PHGDH: variants seen among roughly 807,000 people sequenced by gnomAD.
The protein encoded by PHGDH is phosphoglycerate dehydrogenase, also known as D-3-phosphoglycerate dehydrogenase.
A neutral mutation model predicts 52.6 loss-of-function variants in PHGDH; 50 were observed. The observed-to-expected ratio is 0.95, with a 90% CI of 0.76 to 1.20. PHGDH has a LOEUF of 1.20. PHGDH is among the 50% of genes most tolerant of loss of function. The pLI is 0.00. For synonymous variants in PHGDH, 271 were observed against 280.5 expected (o/e 0.97, Z 0.34); for missense variants, 630 against 684.6 (o/e 0.92, Z 0.89).
chr1:119,730,550 G>A (rs1251502053), intron 5 of PHGDH, among the ~76,000 whole-genome samples: 1 of 152,126 alleles, frequency 6.6e-6, no homozygotes, highest in Non-Finnish European at 1.5e-5. Flanking sequence ...GCAAACAATA[G>A]AATATTGTTT....
intron 3 of PHGDH, chr1:119,726,513 C>G (rs899580652): frequency 4.6e-6 from 2 of 439,090 alleles, no homozygotes; most frequent in South Asian, 4.4e-5. Flanking sequence ...CCCAGTACCC[C>G]ACTCAGTTAT....
intron 5 of PHGDH, among the ~76,000 whole-genome samples, chr1:119,732,274 A>G (rs1651727999): frequency 6.6e-6 from 1 of 152,202 alleles, no homozygotes; most frequent in African/African-American, 2.4e-5. Flanking sequence ...GGTAGGAGCC[A>G]CCAGCTGCCC....
rs771882143 is a variant in PHGDH, at chr1:119,723,367, G to C, written c.291-9G>C. 1.2e-6 allele frequency: 2 copies of C among 1,610,938 alleles called. No individual in the cohort carries two copies. The highest frequency in any genetic ancestry group is 3.3e-5 in the Admixed American group (2 of 60,014). On this transcript the variant is annotated splice_polypyrimidine_tract_variant and intron_variant, in intron 2 of 11. Coordinates refer to ENST00000641023, the MANE Select transcript of PHGDH (RefSeq NM_006623.4). ...GCCCATTGATGTCCCCCTTTTCTTT[G>C]ATCTTTAGCACCCCCAATGGGAACA...
chr1:119,737,222 G>T lies in PHGDH; in HGVS notation c.901G>T (p.Val301Phe). 6.2e-7 allele frequency: 1 copy of T among 1,614,204 alleles called. No homozygotes were observed. Among genetic ancestry groups the T allele is most frequent in the Non-Finnish European group, 8.5e-7 (1 of 1,180,010 alleles). Residue 301 changes from valine to phenylalanine, a missense_variant, in exon 8 of 12, where the codon GTT (valine) becomes TTT (phenylalanine). Physicochemically the swap from Val to Phe is conservative, Grantham distance 50. Transcript: ENST00000641023. ...AQSRCGEEIA[V>F]QFVDMVKGKS... ...GAGCCGCTGTGGGGAGGAAATTGCT[G>T]TTCAGTTCGTGGACATGGTGAAGGG...
rs370053050 is a variant in PHGDH at position 119,717,291 on chromosome 1, G to GTGATGAATCC, written c.139-3877_139-3868dup. Among the ~76,000 whole-genome samples, 48 of 140,344 alleles carry GTGATGAATCC rather than the reference G, an allele frequency of 3.4e-4. 2 individuals are homozygous for GTGATGAATCC. The highest frequency in any genetic ancestry group is 1.2e-3 in the Admixed American group (17 of 13,636). 92.1% of individuals were successfully genotyped at this position (140,344 alleles called of 152,430 possible). On this transcript the variant is annotated intron_variant, in intron 1 of 11. Transcript: ENST00000641023. ...ATTTGTAGGAATTCTATCACTTTTG[G>GTGATGAATCC]TGATGAATCCTTGTTCTGTTACATA...
At chr1:119,728,167 G>A (rs1651531463) in intron 5 of PHGDH, among the ~76,000 whole-genome samples, 1 of 152,124 alleles carries the variant, frequency 6.6e-6, no homozygotes, top group South Asian at 2.1e-4. Context: ...GCTTGAATGA[G>A]CTCAGTTAGA....
intron 2 of PHGDH, among the ~76,000 whole-genome samples, chr1:119,722,030 C>T (rs587620858): frequency 6.6e-6 from 1 of 152,354 alleles, no homozygotes; most frequent in Non-Finnish European, 1.5e-5. Context: ...TTGGGGACTT[C>T]ATTGTCCTTA....
At chr1:119,730,915 G>A (rs964584509) in intron 5 of PHGDH, among the ~76,000 whole-genome samples, 1 of 152,194 alleles carries the variant, frequency 6.6e-6, no homozygotes. Context: ...AGGAAGCAAG[G>A]AGAGGTAGTT....
At chr1:119,725,659 A>G (rs139826130) in intron 3 of PHGDH, among the ~76,000 whole-genome samples, 4 of 152,328 alleles carry the variant, frequency 2.6e-5, no homozygotes, top group Non-Finnish European at 4.4e-5. Flanking sequence ...ATGGAGATCA[A>G]TGTCCTAGTG....
intron 8 of PHGDH, among the ~76,000 whole-genome samples, chr1:119,738,993 C>T (rs1314029225): frequency 2.6e-5 from 4 of 152,186 alleles, no homozygotes; most frequent in African/African-American, 9.7e-5. Flanking sequence ...CTTAGAGTAG[C>T]CATTTGGAAA....
At chr1:119,717,328 G>C (rs1194377883) in intron 1 of PHGDH, among the ~76,000 whole-genome samples, 2 of 148,298 alleles carry the variant, frequency 1.3e-5, no homozygotes, top group African/African-American at 2.5e-5. Flanking sequence ...GGTGAAAGGA[G>C]TTTTCTCCAC....
intron 1 of PHGDH, chr1:119,712,399 C>T (rs1650735969): frequency 2.0e-6 from 1 of 506,202 alleles, no homozygotes; most frequent in Non-Finnish European, 3.6e-6. Context: ...GTTGGCATGC[C>T]TCCGCTAGCA....
chr1:119,740,580 T>C, intron 9 of PHGDH, 62 bp downstream of exon 9: 1 of 1,405,990 alleles, frequency 7.1e-7, no homozygotes, highest in East Asian at 2.5e-5. Flanking sequence ...GGATCTGCCC[T>C]GCTGGGTGTA....
rs587712399 is a variant in PHGDH at position 119,734,856 on chromosome 1, G to A, written c.643+90G>A. On this transcript the variant is annotated intron_variant, in intron 6 of 11. Coordinates refer to ENST00000641023, the MANE Select transcript of PHGDH (RefSeq NM_006623.4). ...CCATCTGGGCCTTCCCCAGACAGTG[G>A]TAACCAGCTGTGGGGAGAGGTCCAC... 6.4e-6 allele frequency: 9 copies of A among 1,416,662 alleles called. No homozygotes were observed. The African/African-American group carries it at 9.8e-5, about 15-fold the overall frequency. 87.8% of individuals were successfully genotyped at this position (1,416,662 alleles called of 1,614,324 possible).
At chr1:119,742,010 C>T (rs759652137) in intron 10 of PHGDH, 113 bp downstream of exon 10, 99 of 876,688 alleles carry the variant, frequency 1.1e-4, no homozygotes, top group Non-Finnish European at 1.8e-4. Flanking sequence ...CTTGCATCGG[C>T]CTGTCTACCT....
intron 1 of PHGDH, chr1:119,720,843 C>A: frequency 2.6e-6 from 1 of 383,254 alleles, no homozygotes; most frequent in Non-Finnish European, 5.0e-6. Context: ...GATGGACATC[C>A]AGGCTGCAGG....
chr1:119,742,759 C>T (rs763222013), intron 10 of PHGDH, 48 bp from the exon 11 acceptor site: 9 of 1,151,648 alleles, frequency 7.8e-6, no homozygotes, highest in East Asian at 2.5e-5. Flanking sequence ...GGAGGGTGGA[C>T]GTGGTGCAGC....
intron 1 of PHGDH, 84 bp from the exon 2 acceptor site, chr1:119,721,086 C>A: frequency 7.7e-7 from 1 of 1,296,630 alleles, no homozygotes; most frequent in Non-Finnish European, 1.1e-6. Context: ...GCATCTCTTA[C>A]TCAGGAGTAA....
At chr1:119,735,134 G>T (rs1651874372) in intron 6 of PHGDH, among the ~76,000 whole-genome samples, 161 bp from the exon 7 acceptor site, 1 of 152,248 alleles carries the variant, frequency 6.6e-6, no homozygotes, top group Admixed American at 6.5e-5. Flanking sequence ...CTGCCCCAGA[G>T]CATCTGAGGA....
Sources: allele counts gnomAD v4.1 joint callset (sites outside exome capture counted in the v4.1 genomes callset), GRCh38; gene constraint gnomAD v4.1.1; transcripts MANE v1.5; gene names NCBI Gene and HGNC (gene_info 2026-07-23, HGNC 2026-07-21).